Variants in MYO1H observed in about 807,000 individuals in gnomAD.
MYO1H encodes the protein myosin IH.
In MYO1H, 118 loss-of-function variants were observed where a neutral mutation model predicts 149.3. The ratio of observed to expected loss-of-function variants is 0.79; its 90% CI spans 0.68 to 0.92. MYO1H has a LOEUF of 0.92. Among genes scored for constraint, MYO1H ranks in the 40% least tolerant of loss-of-function variants. The probability of loss-of-function intolerance (pLI) is 0.00; values close to 1 mark genes in which losing one functional copy is unlikely to be tolerated. For synonymous variants in MYO1H, 447 were observed against 465.2 expected, an observed-to-expected ratio of 0.96 and a Z score of 0.50; for missense variants, 1,212 against 1,280.7, an observed-to-expected ratio of 0.95 and a Z score of 0.82.
chr12:109,375,752 T>C (rs1869075120), intron 1 of MYO1H, among the ~76,000 whole-genome samples: 1 of 152,122 alleles, frequency 6.6e-6, no homozygotes, highest in Non-Finnish European at 1.5e-5. Context: ...CCGAGGCAGA[T>C]GGATCACTTG....
intron 1 of MYO1H, among the ~76,000 whole-genome samples, chr12:109,387,424 C>T (rs1233938034): frequency 6.6e-6 from 1 of 152,204 alleles, no homozygotes; most frequent in Non-Finnish European, 1.5e-5. Flanking sequence ...TTTGCATATC[C>T]ATATGTACCA....
chr12:109,384,645 G>A (rs925647730), intron 1 of MYO1H, among the ~76,000 whole-genome samples: 6 of 152,152 alleles, frequency 3.9e-5, no homozygotes, highest in African/African-American at 1.4e-4. Context: ...CAAAACTCTA[G>A]TCTGAAGTGA....
At position 109,364,171 on chromosome 12, in the gene MYO1H, TAAAA is replaced by T. The variant is rs746308903; in HGVS notation, c.12+16223_12+16226del. Among the ~76,000 whole-genome samples, 134 of 90,292 alleles carry T rather than the reference TAAAA, an allele frequency of 1.5e-3. 1 individual carries two copies. The highest frequency in any genetic ancestry group is 0.014 in the Middle Eastern group (2 of 140). The allele number at this position is 90,292 out of a possible 152,430, so 59.2% of individuals were successfully genotyped here. On this transcript the variant is annotated intron_variant, in intron 1 of 31. Transcript: ENST00000310903. ...GGGCAACAGAGAGAGACCATGTCTT[TAAAA>T]AAAAAAAAAAAAAAAAAAAAAAAGA...
intron 13 of MYO1H, among the ~76,000 whole-genome samples, chr12:109,410,984 A>C (rs1198899896): frequency 6.6e-6 from 1 of 152,156 alleles, no homozygotes; most frequent in Admixed American, 6.5e-5. Flanking sequence ...TCTACTAAAA[A>C]TACAAAAATT....
the MYO1H span, among the ~76,000 whole-genome samples, chr12:109,334,949 C>T: frequency 3.9e-5 from 6 of 152,186 alleles, no homozygotes; most frequent in African/African-American, 1.4e-4. Context: ...CCCTTTTCCC[C>T]TCAGTCCCTG....
intron 20 of MYO1H, 115 bp downstream of exon 20, chr12:109,433,125 T>A (rs1871712520): frequency 1.2e-6 from 1 of 829,912 alleles, no homozygotes; most frequent in Admixed American, 2.0e-5. Flanking sequence ...TTATGGAGAT[T>A]TGCGAGATTT....
rs1360364809 is a variant in MYO1H at position 109,378,976 on chromosome 12, G to A, written c.13-9707G>A. Among the ~76,000 whole-genome samples, 3 of 152,312 alleles carry A rather than the reference G, an allele frequency of 2.0e-5. No individual in the cohort carries two copies. In the East Asian group the frequency reaches 5.8e-4, roughly 29 times the overall value. On this transcript the variant is annotated intron_variant, in intron 1 of 31. Transcript: ENST00000310903. Reference sequence around the variant, plus strand: ...TGGATTTAGGTGATGGTATACTACAGCATTGTTTAATGTCTTTTCCATTCC... The same window carrying A: ...TGGATTTAGGTGATGGTATACTACAACATTGTTTAATGTCTTTTCCATTCC...
chr12:109,443,039 T>TAC (rs1872234349), intron 27 of MYO1H, among the ~76,000 whole-genome samples: 2 of 108,344 alleles, frequency 1.8e-5, no homozygotes, highest in Admixed American at 8.8e-5. Context: ...TGTGTGTGTG[T>TAC]GTGTGTGTAT....
intron 1 of MYO1H, among the ~76,000 whole-genome samples, chr12:109,369,414 A>C (rs1417795791): frequency 2.0e-5 from 3 of 152,236 alleles, no homozygotes; most frequent in Admixed American, 6.5e-5. Context: ...TCGAGGCATA[A>C]ATTTTCAGGA....
chr12:109,411,838 C>T, intron 13 of MYO1H, 56 bp from the exon 14 acceptor site: 1 of 1,280,072 alleles, frequency 7.8e-7, no homozygotes, highest in East Asian at 2.5e-5. Context: ...AGCATTTAAA[C>T]TTGGCATTGA....
At chr12:109,429,201 T>A (rs956864763) in intron 19 of MYO1H, among the ~76,000 whole-genome samples, 2 of 114,776 alleles carry the variant, frequency 1.7e-5, no homozygotes, top group Non-Finnish European at 3.6e-5. Flanking sequence ...AATGAGACTC[T>A]GTATCAAAAC....
chr12:109,390,945 G>C (rs1337060260), intron 2 of MYO1H, among the ~76,000 whole-genome samples: 1 of 152,180 alleles, frequency 6.6e-6, no homozygotes, highest in Non-Finnish European at 1.5e-5. Context: ...TGGGATTACT[G>C]TGCCCGGCCC....
At position 109,436,525 on chromosome 12, in the gene MYO1H, AAGGAG is replaced by A; in HGVS notation, c.2181_2185del (p.Arg728IlefsTer39). 1 of 1,611,272 alleles carries A rather than the reference AAGGAG, an allele frequency of 6.2e-7. No homozygotes were observed. Among genetic ancestry groups the A allele is most frequent in the Non-Finnish European group, 8.5e-7 (1 of 1,178,724 alleles). On this transcript the variant is annotated frameshift_variant, in exon 22 of 32. Coordinates refer to ENST00000310903, the Ensembl canonical transcript of MYO1H. LOFTEE classifies it high-confidence loss of function. ...AAGCCACTTACAAACGCTGCCTAGG[AAGGAG>A]AGAATACGTGAAAAAAAGACAAGCA...
chr12:109,385,293 T>C (rs899155480), intron 1 of MYO1H, among the ~76,000 whole-genome samples: 3 of 138,436 alleles, frequency 2.2e-5, no homozygotes, highest in African/African-American at 7.5e-5. Context: ...TTTCTTTCTT[T>C]CTTTTCTTTT....
At chr12:109,385,273 T>G (rs1261201421) in intron 1 of MYO1H, among the ~76,000 whole-genome samples, 1 of 151,488 alleles carries the variant, frequency 6.6e-6, no homozygotes, top group African/African-American at 2.4e-5. Flanking sequence ...ATTACTAAAA[T>G]GTTTCTTTTT....
chr12:109,440,117 C>A (rs1482206215), intron 24 of MYO1H, among the ~76,000 whole-genome samples: 1 of 151,970 alleles, frequency 6.6e-6, no homozygotes, highest in Non-Finnish European at 1.5e-5. Flanking sequence ...TCACTGCAAC[C>A]TCCGCCTCCT....
In MYO1H at chr12:109,358,256, T is replaced by A. The variant is rs535247553; in HGVS notation, c.12+10284T>A. Among the ~76,000 whole-genome samples the A allele has an allele frequency of 1.6e-4, 25 of 152,180 alleles. 1 individual carries two copies. The South Asian group carries it at 5.2e-3, about 32-fold the overall frequency. On this transcript the variant is annotated intron_variant, in intron 1 of 31. Transcript: ENST00000310903. ...TAACACAGTGACACAAGTCATTTTT[T>A]TAGAAATGTAAAAAGGTATACAAGA...
intron 1 of MYO1H, among the ~76,000 whole-genome samples, chr12:109,378,207 C>T (rs1402512743): frequency 2.0e-5 from 3 of 152,148 alleles, no homozygotes; most frequent in Non-Finnish European, 4.4e-5. Context: ...GGGTAGATAC[C>T]TAAGAGTGGA....
At chr12:109,398,899 A>C (rs571736907) in intron 5 of MYO1H, among the ~76,000 whole-genome samples, 1 of 152,280 alleles carries the variant, frequency 6.6e-6, no homozygotes, top group East Asian at 1.9e-4. Context: ...CAATGACCCA[A>C]GTCCAGTCTT....
Sources: gnomAD v4.1 joint callset for allele counts (sites outside exome capture counted in the v4.1 genomes callset) on GRCh38, gnomAD v4.1.1 for gene constraint, MANE v1.5 for transcripts, NCBI Gene and HGNC (gene_info 2026-07-23, HGNC 2026-07-21) for gene names.